Variants in SLC16A10 observed in about 807,000 individuals in gnomAD.
SLC16A10 encodes the protein solute carrier family 16 member 10.
SLC16A10 carries 27 observed loss-of-function variants against 40.0 expected under a neutral mutation model. The observed-to-expected ratio is 0.67, with a 90% confidence interval of 0.50 to 0.93. The LOEUF (loss-of-function observed/expected upper bound fraction) is 0.93, where lower values mean the gene tolerates loss of function less well. Among genes scored for constraint, SLC16A10 ranks in the 40% least tolerant of loss-of-function variants. The pLI is 0.00. For missense variants in SLC16A10, 529 were observed against 658.2 expected, an observed-to-expected ratio of 0.80 and a Z score of 2.15; for synonymous variants, 213 against 249.8, an observed-to-expected ratio of 0.85 and a Z score of 1.39.
intron 1 of SLC16A10, among the ~76,000 whole-genome samples, chr6:111,137,947 G>A (rs1771910829): frequency 6.6e-6 from 1 of 152,194 alleles, no homozygotes; most frequent in Non-Finnish European, 1.5e-5. Flanking sequence ...TCACCTGAGA[G>A]CACAGGGGGA....
rs1771002430 is a variant in SLC16A10 at position 111,226,787 on chromosome 6, T to A, written c.*4552T>A. On this transcript the variant is annotated 3_prime_UTR_variant, in exon 6 of 6. Coordinates refer to ENST00000368851, the MANE Select transcript of SLC16A10 (RefSeq NM_018593.5). Reference sequence around the variant, plus strand: ...CAATTTGTCATTCATAATGGTAATGTGGAATAAGAATACATCGTAGAAGGA... The same window carrying A: ...CAATTTGTCATTCATAATGGTAATGAGGAATAAGAATACATCGTAGAAGGA... The A allele has an allele frequency of 6.6e-6, 1 of 152,234 alleles. No individual in the cohort carries two copies. The highest frequency in any genetic ancestry group is 1.5e-5 in the Non-Finnish European group (1 of 68,038). 9.4% of individuals were successfully genotyped at this position (152,234 alleles called of 1,614,324 possible).
chr6:111,123,780 T>C (rs1308739549), intron 1 of SLC16A10, among the ~76,000 whole-genome samples: 1 of 152,186 alleles, frequency 6.6e-6, no homozygotes, highest in Admixed American at 6.5e-5. Context: ...CTGTGACCCT[T>C]GGCTCAAGGA....
At chr6:111,124,371 T>A (rs979033885) in intron 1 of SLC16A10, among the ~76,000 whole-genome samples, 2 of 151,440 alleles carry the variant, frequency 1.3e-5, no homozygotes, top group African/African-American at 2.4e-5. Flanking sequence ...TTTTTTTTTT[T>A]AAGAGACGGA....
Position 111,087,506 on chromosome 6 carries a change from CG to C in SLC16A10, c.-242del. On this transcript the variant is annotated 5_prime_UTR_variant, in exon 1 of 6. Transcript: ENST00000368851. ...ACCGGCGGCTGGCAGTGGGCTCAGT[CG>C]GGGGTGCGGGGCTGTGACCTAGAGG... 1 of 177,440 alleles carries C rather than the reference CG, an allele frequency of 5.6e-6. No homozygotes were observed. Among genetic ancestry groups the C allele is most frequent in the Admixed American group, 6.2e-5 (1 of 16,186 alleles). 11.0% of individuals were successfully genotyped at this position (177,440 alleles called of 1,614,324 possible).
chr6:111,115,444 G>C (rs1486328427), intron 1 of SLC16A10, among the ~76,000 whole-genome samples: 2 of 152,326 alleles, frequency 1.3e-5, no homozygotes, highest in African/African-American at 4.8e-5. Flanking sequence ...CCTGACCTCA[G>C]GTGATCCACC....
intron 1 of SLC16A10, among the ~76,000 whole-genome samples, chr6:111,158,201 G>C (rs1484036545): frequency 6.6e-6 from 1 of 151,768 alleles, no homozygotes; most frequent in Non-Finnish European, 1.5e-5. Flanking sequence ...ATAATGAAAA[G>C]AGTTTGAAAT....
intron 1 of SLC16A10, among the ~76,000 whole-genome samples, chr6:111,147,428 C>T (rs1772099622): frequency 6.6e-6 from 1 of 152,034 alleles, no homozygotes; most frequent in Admixed American, 6.5e-5. Flanking sequence ...ATGTTGGGTC[C>T]ACCACATATG....
chr6:111,093,786 T>G (rs780346287), intron 1 of SLC16A10, among the ~76,000 whole-genome samples: 1 of 152,184 alleles, frequency 6.6e-6, no homozygotes, highest in Non-Finnish European at 1.5e-5. Context: ...TTATTTACAC[T>G]GGAAGAGAGG....
chr6:111,221,913 C>G, intron 5 of SLC16A10, 90 bp from the exon 6 acceptor site: 1 of 1,195,098 alleles, frequency 8.4e-7, no homozygotes. Flanking sequence ...AGTCTGATGT[C>G]TGAGATGTCT....
intron 1 of SLC16A10, among the ~76,000 whole-genome samples, chr6:111,158,795 A>G (rs2114524441): frequency 6.6e-6 from 1 of 152,296 alleles, no homozygotes; most frequent in East Asian, 1.9e-4. Flanking sequence ...TCAGTTTTGA[A>G]AAGATGTAGG....
chr6:111,179,191 G>T, intron 3 of SLC16A10, among the ~76,000 whole-genome samples: 1 of 151,998 alleles, frequency 6.6e-6, no homozygotes, highest in East Asian at 1.9e-4. Context: ...ACTCAGCTTT[G>T]CTAATACTAG....
chr6:111,173,767 C>A (rs1252393091), intron 2 of SLC16A10, among the ~76,000 whole-genome samples: 1 of 152,110 alleles, frequency 6.6e-6, no homozygotes, highest in African/African-American at 2.4e-5. Context: ...GGAAAACAAG[C>A]CCAGGATTCC....
At position 111,225,904 on chromosome 6, in the gene SLC16A10, C is replaced by A. The variant is rs1057220363; in HGVS notation, c.*3669C>A. 6 of 152,138 alleles carry A rather than the reference C, an allele frequency of 3.9e-5. No individual in the cohort carries two copies. The highest frequency in any genetic ancestry group is 1.4e-4 in the African/African-American group (6 of 41,410). 9.4% of individuals were successfully genotyped at this position (152,138 alleles called of 1,614,324 possible). ...CTTCCTCCTATCCTTCAAAAACCTC[C>A]TGAAGAGTCCATTAACATCCATGCT... is the stretch of plus-strand genomic sequence containing the variant. On this transcript the variant is annotated 3_prime_UTR_variant, in exon 6 of 6. Coordinates refer to ENST00000368851, the MANE Select transcript of SLC16A10 (RefSeq NM_018593.5).
intron 1 of SLC16A10, among the ~76,000 whole-genome samples, chr6:111,168,637 C>T (rs10046312): frequency 0.032 from 4,947 of 152,284 alleles, 231 homozygotes; most frequent in African/African-American, 0.1. Context: ...CAGGTGATAA[C>T]TAATCCAATC....
At position 111,181,329 on chromosome 6, in the gene SLC16A10, T is replaced by C. The variant is rs376484287; in HGVS notation, c.942+3664T>C. ...TCCTCTGTAAGCATCAGTTTCCTCA[T>C]CTATGGAGATAAACCCAATTTTGCA... On this transcript the variant is annotated intron_variant, in intron 3 of 5. Transcript: ENST00000368851. Among the ~76,000 whole-genome samples the C allele has an allele frequency of 1.5e-3, 224 of 152,210 alleles. 6 individuals are homozygous for C. The South Asian group carries it at 0.045, about 30-fold the overall frequency.
intron 1 of SLC16A10, among the ~76,000 whole-genome samples, chr6:111,141,683 A>G (rs946618423): frequency 6.6e-6 from 1 of 152,150 alleles, no homozygotes; most frequent in Non-Finnish European, 1.5e-5. Context: ...AGAAACAAAA[A>G]ACACAGTACC....
chr6:111,208,135 A>ATTTTTGTT (rs1241582598), intron 4 of SLC16A10, among the ~76,000 whole-genome samples: 1 of 151,952 alleles, frequency 6.6e-6, no homozygotes, highest in African/African-American at 2.4e-5. Flanking sequence ...TGCCTGGCTA[A>ATTTTTGTT]TTTTTGTTTT....
intron 1 of SLC16A10, among the ~76,000 whole-genome samples, chr6:111,159,893 A>G (rs920509387): frequency 2.6e-5 from 4 of 152,242 alleles, no homozygotes; most frequent in Non-Finnish European, 4.4e-5. Flanking sequence ...GACTAATGAT[A>G]TTGGGTGTCA....
At position 111,190,137 on chromosome 6, in the gene SLC16A10, A is replaced by G. The variant is rs952135722; in HGVS notation, c.942+12472A>G. Among the ~76,000 whole-genome samples the G allele has an allele frequency of 6.6e-5, 10 of 152,086 alleles. 1 individual carries two copies. Among genetic ancestry groups the G allele is most frequent in the Non-Finnish European group, 2.9e-5 (2 of 67,980 alleles). ...AATACACCCATTCCAAATGGGAGAC[A>G]TTGGCCAAAATAAAGGGGCTACAGG... On this transcript the variant is annotated intron_variant, in intron 3 of 5. Transcript: ENST00000368851.
Sources: gnomAD v4.1 joint callset for allele counts (sites outside exome capture counted in the v4.1 genomes callset) on GRCh38, gnomAD v4.1.1 for gene constraint, MANE v1.5 for transcripts, NCBI Gene and HGNC (gene_info 2026-07-23, HGNC 2026-07-21) for gene names.